KMT2C: variants seen among roughly 807,000 people sequenced by gnomAD.
KMT2C encodes histone-lysine N-methyltransferase 2C.
KMT2C carries 88 observed loss-of-function variants against 507.9 expected under a neutral mutation model. That is an observed-to-expected ratio of 0.17 (90% CI 0.15 to 0.21). The LOEUF is 0.21. Among genes scored for constraint, KMT2C ranks in the 10% least tolerant of loss-of-function variants. KMT2C has a pLI of 1.00. For synonymous variants in KMT2C, 2,049 were observed against 2,080.8 expected (o/e 0.98, Z 0.42); for missense variants, 4,954 against 5,957.8 (o/e 0.83, Z 5.55).
intron 1 of KMT2C, among the ~76,000 whole-genome samples, chr7:152,430,419 T>C (rs760538312): frequency 2.0e-5 from 3 of 151,762 alleles, no homozygotes; most frequent in Non-Finnish European, 4.4e-5. Flanking sequence ...GTAAAGTTTA[T>C]TCCATGGCAG....
chr7:152,256,037 C>T (rs1230734458), intron 9 of KMT2C, among the ~76,000 whole-genome samples: 3 of 151,942 alleles, frequency 2.0e-5, no homozygotes, highest in Admixed American at 6.6e-5. Flanking sequence ...GGCGTGGTGG[C>T]GCATGCCTGT....
intron 23 of KMT2C, among the ~76,000 whole-genome samples, chr7:152,216,928 GGT>G (rs2094599445): frequency 6.6e-6 from 1 of 152,130 alleles, no homozygotes; most frequent in South Asian, 2.1e-4. Flanking sequence ...GCCAGTGCTG[GGT>G]GCCTGGCATG....
At chr7:152,183,548 C>T (rs953464728) in intron 34 of KMT2C, among the ~76,000 whole-genome samples, 5 of 151,214 alleles carry the variant, frequency 3.3e-5, no homozygotes, top group Admixed American at 1.3e-4. Context: ...GATCACCTGA[C>T]GTCAGGTGTT....
At chr7:152,385,769 T>A (rs1018931485) in intron 1 of KMT2C, among the ~76,000 whole-genome samples, 8 of 151,550 alleles carry the variant, frequency 5.3e-5, no homozygotes, top group African/African-American at 1.7e-4. Flanking sequence ...AGAACTACAT[T>A]CTCTAATATT....
chr7:152,369,271 C>T (rs946307471), intron 1 of KMT2C, among the ~76,000 whole-genome samples: 12 of 150,974 alleles, frequency 7.9e-5, no homozygotes, highest in African/African-American at 2.7e-4. Flanking sequence ...TGCAGTGAAC[C>T]AAGATCACGC....
At chr7:152,361,435 C>T (rs1448484847) in intron 1 of KMT2C, among the ~76,000 whole-genome samples, 3 of 151,644 alleles carry the variant, frequency 2.0e-5, no homozygotes, top group Admixed American at 6.6e-5. Context: ...TGGTAGTGGG[C>T]GCCTGTAGTC....
rs2093376325 is a variant in KMT2C, at chr7:152,179,972, G to T, written c.7304C>A (p.Pro2435His). The T allele has an allele frequency of 1.9e-6, 3 of 1,614,114 alleles. No individual in the cohort carries two copies. The highest frequency in any genetic ancestry group is 8.5e-7 in the Non-Finnish European group (1 of 1,180,022). Residue 2435 changes from proline to histidine, a missense_variant, in exon 37 of 59, where the codon CCC becomes CAC. Pro to His is a moderately conservative substitution (Grantham distance 77). Around this residue, in one of 29 missense-constraint regions of KMT2C, gnomAD observed 1,689 missense variants for 1,654.3 expected, o/e 1.02. Coordinates refer to ENST00000262189, the MANE Select transcript of KMT2C (RefSeq NM_170606.3). ...PENVNQAFTR[P>H]PPPYPGNIRS... ...AATGTTCCCAGGATAGGGAGGTGGG[G>T]GTCTGGTGAAAGCCTGGTTAACATT...
rs2129104153 is a variant in KMT2C at position 152,162,998 on chromosome 7, G to A, written c.10579C>T (p.Pro3527Ser). 1 of 1,614,126 alleles carries A rather than the reference G, an allele frequency of 6.2e-7. No individual in the cohort carries two copies. The highest frequency in any genetic ancestry group is 8.5e-7 in the Non-Finnish European group (1 of 1,180,028). The change falls in exon 43 of 59, where the codon CCA (proline) becomes TCA (serine). Residue 3527 changes from proline to serine, a missense_variant. Physicochemically the swap from Pro to Ser is moderately conservative, Grantham distance 74. Around this residue, in one of 29 missense-constraint regions of KMT2C, gnomAD observed 801 missense variants for 751.2 expected, o/e 1.07. Transcript: ENST00000262189. ...PDSPSIPVGS[P>S]NFSSVKQGHG... is the part of the protein sequence containing the mutation. The stretch of plus-strand genomic sequence containing the variant: ...CCCTGCTTCACAGAAGAAAAATTTG[G>A]GCTTCCAACAGGGATTGATGGTGAA...
intron 26 of KMT2C, among the ~76,000 whole-genome samples, chr7:152,201,307 C>CAG (rs60619226): frequency 0.038 from 5,691 of 150,930 alleles, 370 homozygotes; most frequent in African/African-American, 0.13. Flanking sequence ...CACACACACA[C>CAG]ACACACACAC....
chr7:152,262,573 T>G (rs2095797550), intron 9 of KMT2C, among the ~76,000 whole-genome samples: 1 of 152,206 alleles, frequency 6.6e-6, no homozygotes, highest in African/African-American at 2.4e-5. Flanking sequence ...AACAGGTGAT[T>G]CAATACACAA....
chr7:152,246,970 C>T (rs2095483324), intron 14 of KMT2C, among the ~76,000 whole-genome samples: 1 of 151,980 alleles, frequency 6.6e-6, no homozygotes. Context: ...AAAAGCTTGG[C>T]CTTACAGTTT....
At chr7:152,297,088 AG>A (rs2096521624) in intron 6 of KMT2C, among the ~76,000 whole-genome samples, 1 of 151,374 alleles carries the variant, frequency 6.6e-6, no homozygotes, top group Admixed American at 6.6e-5. Flanking sequence ...AGAGAGAGAG[AG>A]AGAGAAAGAA....
chr7:152,215,721 TATAC>T (rs1420752813), intron 23 of KMT2C, among the ~76,000 whole-genome samples: 1 of 140,938 alleles, frequency 7.1e-6, no homozygotes, highest in Non-Finnish European at 1.5e-5. Context: ...AATATATATA[TATAC>T]ACACACACAC....
At chr7:152,435,452 G>C (rs1052434767) in intron 1 of KMT2C, among the ~76,000 whole-genome samples, 174 bp downstream of exon 1, 2 of 146,270 alleles carry the variant, frequency 1.4e-5, no homozygotes, top group Admixed American at 6.8e-5. Context: ...GGGCGCGGGC[G>C]GCTACCGAGG....
chr7:152,264,787 TCA>T (rs1318319621), intron 8 of KMT2C, among the ~76,000 whole-genome samples: 1 of 151,694 alleles, frequency 6.6e-6, no homozygotes. Context: ...ATGATTAAAA[TCA>T]GTTTTGTTTA....
intron 4 of KMT2C, among the ~76,000 whole-genome samples, chr7:152,314,343 A>G (rs1301479631): frequency 1.3e-5 from 2 of 152,150 alleles, no homozygotes; most frequent in East Asian, 3.8e-4. Flanking sequence ...TAGCTTTGCA[A>G]GCTAAATTAA....
At chr7:152,333,652 GA>G (rs1158192786) in intron 2 of KMT2C, among the ~76,000 whole-genome samples, 1 of 152,026 alleles carries the variant, frequency 6.6e-6, no homozygotes, top group Non-Finnish European at 1.5e-5. Flanking sequence ...TTTAAAAAAA[GA>G]AAACTATCTT....
intron 1 of KMT2C, among the ~76,000 whole-genome samples, chr7:152,405,988 CAGAA>C (rs1273371955): frequency 1.3e-5 from 2 of 149,224 alleles, no homozygotes; most frequent in East Asian, 1.9e-4. Context: ...AACTCTGTCT[CAGAA>C]AAAAAAAAAA....
At chr7:152,359,538 G>C (rs565524988) in intron 1 of KMT2C, among the ~76,000 whole-genome samples, 68 of 152,072 alleles carry the variant, frequency 4.5e-4, no homozygotes, top group Admixed American at 7.9e-4. Flanking sequence ...GGAGGGTCGA[G>C]TTAGATGGAT....
Sources: gnomAD v4.1 joint callset for allele counts (sites outside exome capture counted in the v4.1 genomes callset) on GRCh38, gnomAD v4.1.1 for gene constraint, gnomAD v4.1.1 regional missense constraint, MANE v1.5 for transcripts, NCBI Gene and HGNC (gene_info 2026-07-23, HGNC 2026-07-21) for gene names.